Variants in UGGT2 observed in about 807,000 individuals in gnomAD.
The protein encoded by UGGT2 is UDP-glucose glycoprotein glucosyltransferase 2, also known as UDP-glucose:glycoprotein glucosyltransferase 2.
UGGT2 carries 180 observed loss-of-function variants against 192.1 expected under a neutral mutation model. The observed-to-expected ratio is 0.94, with a 90% CI of 0.83 to 1.06. The LOEUF (loss-of-function observed/expected upper bound fraction) is 1.06, where lower values mean the gene tolerates loss of function less well. UGGT2 is among the 50% of genes least tolerant of loss of function. The pLI is 0.00. For synonymous variants in UGGT2, 580 were observed against 591.0 expected (o/e 0.98, Z 0.27); for missense variants, 1,849 against 1,795.7 (o/e 1.03, Z -0.54).
rs140873588 is a variant in UGGT2 at position 95,823,715 on chromosome 13, C to A, written c.4528+9212G>T. Among the ~76,000 whole-genome samples the A allele has an allele frequency of 2.1e-3, 316 of 152,074 alleles. 3 individuals are homozygous for A. Among genetic ancestry groups the A allele is most frequent in the African/African-American group, 7.1e-3 (296 of 41,520 alleles). ...GATTGTGATTTTTAAATTCATTCTG[C>A]CATTCTATATCTTTTAATTGGAGCA... On this transcript the variant is annotated intron_variant, in intron 38 of 38. Transcript: ENST00000376747.
chr13:95,899,259 A>G (rs975668825), intron 22 of UGGT2, among the ~76,000 whole-genome samples: 5 of 152,212 alleles, frequency 3.3e-5, no homozygotes, highest in Admixed American at 2.6e-4. Flanking sequence ...TTTATAAATT[A>G]GCCAGTCTGT....
intron 10 of UGGT2, among the ~76,000 whole-genome samples, chr13:95,980,771 C>G (rs895163217): frequency 6.6e-6 from 1 of 152,156 alleles, no homozygotes; most frequent in Non-Finnish European, 1.5e-5. Flanking sequence ...CAAGGCGGGG[C>G]AGATTACCTG....
chr13:96,033,359 C>G (rs1417469225), intron 1 of UGGT2, among the ~76,000 whole-genome samples: 1 of 152,162 alleles, frequency 6.6e-6, no homozygotes, highest in Non-Finnish European at 1.5e-5. Context: ...GAGCAAGGAA[C>G]AGGTGGAAGC....
intron 20 of UGGT2, among the ~76,000 whole-genome samples, chr13:95,920,567 T>C (rs959994208): frequency 2.6e-5 from 4 of 152,078 alleles, no homozygotes; most frequent in African/African-American, 9.7e-5. Flanking sequence ...GATATACATG[T>C]GGCCAAAAAA....
chr13:95,911,069 T>G (rs561456449), intron 20 of UGGT2, among the ~76,000 whole-genome samples: 2 of 152,192 alleles, frequency 1.3e-5, no homozygotes, highest in East Asian at 1.9e-4. Flanking sequence ...ACCAGAATCT[T>G]TGGGACACAT....
At chr13:95,870,130 G>A (rs376618295) in intron 29 of UGGT2, among the ~76,000 whole-genome samples, 3 of 152,110 alleles carry the variant, frequency 2.0e-5, no homozygotes, top group African/African-American at 7.2e-5. Flanking sequence ...AACTGCAAAA[G>A]AAATTTTTAA....
intron 20 of UGGT2, among the ~76,000 whole-genome samples, chr13:95,913,011 G>C (rs1031003124): frequency 6.6e-6 from 1 of 152,140 alleles, no homozygotes; most frequent in Admixed American, 6.5e-5. Context: ...TTAATAAATG[G>C]TGCTGGGAAA....
At position 95,837,160 on chromosome 13, in the gene UGGT2, G is replaced by C; in HGVS notation, c.4327C>G (p.Leu1443Val). 6.2e-7 allele frequency: 1 copy of C among 1,614,062 alleles called. No individual in the cohort carries two copies. The highest frequency in any genetic ancestry group is 8.5e-7 in the Non-Finnish European group (1 of 1,179,972). Residue 1443 changes from leucine (L) to valine (V), a missense_variant, in exon 37 of 39, where the codon CTT (leucine) becomes GTT (valine). Leu to Val is a conservative substitution (Grantham distance 32, BLOSUM62 1). Coordinates refer to ENST00000376747, the MANE Select transcript of UGGT2 (RefSeq NM_020121.4). ...TCACACCACAGCCAGTCTTGAGGAA[G>C]AGACTTAATGGCGACTTGGTAAATC... Reference protein sequence around the residue: ...NMIYQVAIKSLPQDWLWCETW... With the variant: ...NMIYQVAIKSVPQDWLWCETW...
intron 38 of UGGT2, among the ~76,000 whole-genome samples, chr13:95,811,017 T>G (rs540735336): frequency 6.6e-6 from 1 of 152,188 alleles, no homozygotes; most frequent in Non-Finnish European, 1.5e-5. Context: ...GTGAACATCA[T>G]TTGCCATCAG....
At chr13:95,896,886 C>T (rs1446928310) in intron 22 of UGGT2, among the ~76,000 whole-genome samples, 1 of 152,036 alleles carries the variant, frequency 6.6e-6, no homozygotes, top group Admixed American at 6.6e-5. Context: ...AGAATAATTG[C>T]TGTAACAGAA....
intron 20 of UGGT2, 101 bp from the exon 21 acceptor site, chr13:95,903,161 C>G (rs2048162075): frequency 9.1e-7 from 1 of 1,102,048 alleles, no homozygotes; most frequent in Non-Finnish European, 1.3e-6. Flanking sequence ...GTATCATGCA[C>G]CATCTTTCAC....
At chr13:95,878,500 TATC>T (rs1197711232) in intron 27 of UGGT2, among the ~76,000 whole-genome samples, 1 of 152,186 alleles carries the variant, frequency 6.6e-6, no homozygotes, top group Non-Finnish European at 1.5e-5. Context: ...TCTCTATAAA[TATC>T]ATTTTAAATG....
chr13:95,843,957 T>C (rs1199197771), intron 36 of UGGT2, among the ~76,000 whole-genome samples: 1 of 152,066 alleles, frequency 6.6e-6, no homozygotes, highest in Non-Finnish European at 1.5e-5. Flanking sequence ...TTTTTATTTA[T>C]TTTTAATTAT....
At chr13:95,812,991 G>C (rs1884654006) in intron 38 of UGGT2, among the ~76,000 whole-genome samples, 1 of 152,170 alleles carries the variant, frequency 6.6e-6, no homozygotes, top group Admixed American at 6.5e-5. Context: ...CAGAACCCAA[G>C]TGATGTTGGC....
intron 12 of UGGT2, among the ~76,000 whole-genome samples, chr13:95,953,601 A>G (rs980625191): frequency 3.9e-5 from 6 of 152,196 alleles, no homozygotes; most frequent in African/African-American, 1.4e-4. Context: ...ACATAAATAT[A>G]TGCCCTTTTA....
At chr13:95,898,756 CCT>C (rs1416823461) in intron 22 of UGGT2, among the ~76,000 whole-genome samples, 1 of 152,100 alleles carries the variant, frequency 6.6e-6, no homozygotes, top group Non-Finnish European at 1.5e-5. Context: ...GCACTCATCC[CCT>C]TTTTGCCCCA....
chr13:95,972,052 T>TATC (rs2050788413), intron 11 of UGGT2, among the ~76,000 whole-genome samples: 1 of 152,134 alleles, frequency 6.6e-6, no homozygotes, highest in Non-Finnish European at 1.5e-5. Context: ...CCCACAACTG[T>TATC]AATTTTGGGT....
At chr13:95,822,525 G>A (rs908103672) in intron 38 of UGGT2, among the ~76,000 whole-genome samples, 1 of 151,856 alleles carries the variant, frequency 6.6e-6, no homozygotes, top group Non-Finnish European at 1.5e-5. Flanking sequence ...ACTTTGTTAT[G>A]TCCTTTATTT....
chr13:96,046,223 C>G (rs2139223190), intron 1 of UGGT2, among the ~76,000 whole-genome samples: 1 of 151,994 alleles, frequency 6.6e-6, no homozygotes, highest in African/African-American at 2.4e-5. Context: ...CAAACAAAAA[C>G]AAAGTGGGGA....
Sources: allele counts gnomAD v4.1 joint callset (sites outside exome capture counted in the v4.1 genomes callset), GRCh38; gene constraint gnomAD v4.1.1; transcripts MANE v1.5; gene names NCBI Gene and HGNC (gene_info 2026-07-23, HGNC 2026-07-21).